PTPN13: variants seen among roughly 807,000 people sequenced by gnomAD.
PTPN13 encodes the protein protein tyrosine phosphatase non-receptor type 13, also known as tyrosine-protein phosphatase non-receptor type 13.
A neutral mutation model predicts 284.0 loss-of-function variants in PTPN13; 191 were observed. The observed-to-expected ratio is 0.67, with a 90% CI of 0.60 to 0.76. The LOEUF is 0.76. PTPN13 is among the 30% of genes least tolerant of loss of function. PTPN13 has a pLI of 0.00. For missense variants in PTPN13, 2,797 were observed against 2,939.9 expected (o/e 0.95, Z 1.12); for synonymous variants, 986 against 1,022.3 (o/e 0.96, Z 0.68).
chr4:86,675,906 C>T (rs1168790665), intron 3 of PTPN13, among the ~76,000 whole-genome samples: 1 of 152,020 alleles, frequency 6.6e-6, no homozygotes, highest in Admixed American at 6.6e-5. Context: ...TGATGTGCAC[C>T]AGAGATTTGT....
At chr4:86,783,354 AGCAACT>A (rs1304780974) in intron 37 of PTPN13, among the ~76,000 whole-genome samples, 1 of 152,162 alleles carries the variant, frequency 6.6e-6, no homozygotes, top group African/African-American at 2.4e-5. Flanking sequence ...ACATAGCCAA[AGCAACT>A]GAATTTTCAT....
intron 2 of PTPN13, among the ~76,000 whole-genome samples, chr4:86,659,790 T>C (rs938240022): frequency 6.6e-5 from 10 of 151,144 alleles, no homozygotes; most frequent in African/African-American, 2.4e-5. Flanking sequence ...CACTCCAGCC[T>C]GGGTGACAGA....
intron 2 of PTPN13, among the ~76,000 whole-genome samples, chr4:86,644,673 G>A (rs1168484101): frequency 6.6e-6 from 1 of 152,048 alleles, no homozygotes; most frequent in Admixed American, 6.6e-5. Flanking sequence ...AAACCAATAT[G>A]TCTTATGAAC....
chr4:86,803,558 A>G, intron 42 of PTPN13, 151 bp from the exon 43 acceptor site: 1 of 769,508 alleles, frequency 1.3e-6, no homozygotes, highest in East Asian at 2.7e-5. Flanking sequence ...ACAGAACTGC[A>G]CTCCATCGTA....
intron 7 of PTPN13, among the ~76,000 whole-genome samples, chr4:86,707,640 A>G (rs1236784168): frequency 2.0e-5 from 3 of 151,642 alleles, no homozygotes; most frequent in Non-Finnish European, 4.4e-5. Context: ...GGAGATATAT[A>G]TATTTTTTCA....
intron 1 of PTPN13, among the ~76,000 whole-genome samples, chr4:86,628,828 G>T (rs1722137047): frequency 6.7e-6 from 1 of 149,358 alleles, no homozygotes; most frequent in Non-Finnish European, 1.5e-5. Context: ...CAAAGGACAT[G>T]AACTCATCAT....
intron 12 of PTPN13, among the ~76,000 whole-genome samples, chr4:86,733,571 ATAATT>A (rs1468846181): frequency 6.6e-6 from 1 of 152,122 alleles, no homozygotes; most frequent in African/African-American, 2.4e-5. Context: ...TTAAAAATGA[ATAATT>A]TATGCTGTAG....
In PTPN13 at chr4:86,718,346, A is replaced by G. The variant is rs143043795; in HGVS notation, c.1385+1229A>G. ...AGACACTGTTTCACACCTGTAAACT[A>G]TTAATAGATCAGGTAACCCTAGCCA... is the stretch of plus-strand genomic sequence containing the variant. On this transcript the variant is annotated intron_variant, in intron 9 of 47. Transcript: ENST00000411767. Among the ~76,000 whole-genome samples, 182 of 152,346 alleles carry G rather than the reference A, an allele frequency of 1.2e-3. 1 individual carries two copies. Among genetic ancestry groups the G allele is most frequent in the African/African-American group, 3.2e-3 (134 of 41,580 alleles).
chr4:86,645,726 A>G (rs1478228661), intron 2 of PTPN13, among the ~76,000 whole-genome samples: 1 of 152,200 alleles, frequency 6.6e-6, no homozygotes, highest in Admixed American at 6.5e-5. Context: ...GTGTTCCTGT[A>G]TCGAGAGACT....
intron 42 of PTPN13, among the ~76,000 whole-genome samples, chr4:86,802,103 CATT>C (rs1459739248): frequency 6.6e-5 from 10 of 151,248 alleles, no homozygotes; most frequent in South Asian, 2.1e-4. Flanking sequence ...CATCTTTTCC[CATT>C]ATTTATAAAG....
At chr4:86,601,640 CTT>C (rs969555925) in intron 1 of PTPN13, among the ~76,000 whole-genome samples, 1 of 152,130 alleles carries the variant, frequency 6.6e-6, no homozygotes, top group Non-Finnish European at 1.5e-5. Context: ...TCACCTGAAT[CTT>C]TTTCAGGTTT....
intron 7 of PTPN13, among the ~76,000 whole-genome samples, chr4:86,709,570 C>A (rs1008088479): frequency 6.6e-6 from 1 of 152,172 alleles, no homozygotes; most frequent in Non-Finnish European, 1.5e-5. Flanking sequence ...CCTCTTCCTC[C>A]GTTTTGTCCA....
At chr4:86,626,062 G>T (rs564786171) in intron 1 of PTPN13, among the ~76,000 whole-genome samples, 1 of 152,248 alleles carries the variant, frequency 6.6e-6, no homozygotes, top group East Asian at 1.9e-4. Flanking sequence ...ATTGTTTTCT[G>T]TTGGTACCTT....
At chr4:86,787,926 T>C (rs1272987282) in intron 40 of PTPN13, among the ~76,000 whole-genome samples, 1 of 152,196 alleles carries the variant, frequency 6.6e-6, no homozygotes, top group Non-Finnish European at 1.5e-5. Flanking sequence ...AAACAAATTA[T>C]TAGGAACTAT....
chr4:86,618,574 C>G (rs1168779079), intron 1 of PTPN13, among the ~76,000 whole-genome samples: 1 of 152,188 alleles, frequency 6.6e-6, no homozygotes, highest in Non-Finnish European at 1.5e-5. Flanking sequence ...GACTGTTCTT[C>G]CATTTGTTTG....
intron 6 of PTPN13, among the ~76,000 whole-genome samples, chr4:86,697,168 T>A (rs1730673918): frequency 6.6e-6 from 1 of 152,154 alleles, no homozygotes; most frequent in Non-Finnish European, 1.5e-5. Context: ...AGTTCTTAAC[T>A]GTCAGTGGTC....
intron 2 of PTPN13, among the ~76,000 whole-genome samples, chr4:86,636,640 A>G (rs1036924241): frequency 2.0e-5 from 3 of 152,170 alleles, no homozygotes; most frequent in African/African-American, 7.2e-5. Flanking sequence ...GAGAACAAAG[A>G]CACAACATAC....
At chr4:86,770,064 T>TA (rs1436914361) in intron 29 of PTPN13, 37 bp from the exon 30 acceptor site, 1 of 1,611,362 alleles carries the variant, frequency 6.2e-7, no homozygotes, top group Non-Finnish European at 8.5e-7. Context: ...AATGCTGGTT[T>TA]AACTGTACCT....
chr4:86,694,541 G>T (rs904521302), intron 6 of PTPN13, among the ~76,000 whole-genome samples: 2 of 136,166 alleles, frequency 1.5e-5, no homozygotes, highest in Admixed American at 1.6e-4. Context: ...TCACACCACT[G>T]TGCTCCAGCC....
Sources: allele counts gnomAD v4.1 joint callset (sites outside exome capture counted in the v4.1 genomes callset), GRCh38; gene constraint gnomAD v4.1.1; transcripts MANE v1.5; gene names NCBI Gene and HGNC (gene_info 2026-07-23, HGNC 2026-07-21).